Variants in MYH4 observed in about 807,000 individuals in gnomAD.
MYH4 encodes myosin heavy chain 4.
A neutral mutation model predicts 229.9 loss-of-function variants in MYH4; 200 were observed. That is an observed-to-expected ratio of 0.87 (90% CI 0.78 to 0.98). The LOEUF (loss-of-function observed/expected upper bound fraction) is 0.98, where lower values mean the gene tolerates loss of function less well. Among genes scored for constraint, MYH4 ranks in the 50% least tolerant of loss-of-function variants. The pLI is 0.00. For missense variants in MYH4, 2,148 were observed against 2,332.6 expected (o/e 0.92, Z 1.63); for synonymous variants, 761 against 834.6 (o/e 0.91, Z 1.52).
intron 24 of MYH4, 97 bp downstream of exon 24, chr17:10,453,055 C>T (rs1219547937): frequency 6.3e-7 from 1 of 1,592,588 alleles, no homozygotes; most frequent in Middle Eastern, 1.7e-4. Flanking sequence ...ACTTTATTCA[C>T]AGACCAAGCG....
In MYH4 at chr17:10,465,599, C is replaced by G. The variant is rs145471603; in HGVS notation, c.349-1G>C. 7.2e-5 allele frequency: 117 copies of G among 1,613,888 alleles called. No individual in the cohort carries two copies. The highest frequency in any genetic ancestry group is 8.9e-5 in the Non-Finnish European group (105 of 1,179,998). Reference sequence around the variant, plus strand: ...TGACACAGAAGAGGCCCGAGTAGGTCTGTGGGAAAGGACGGGGTTCCTCGA... The same window carrying G: ...TGACACAGAAGAGGCCCGAGTAGGTGTGTGGGAAAGGACGGGGTTCCTCGA... On this transcript the variant is annotated splice_acceptor_variant, in intron 4 of 39. Transcript: ENST00000255381. LOFTEE classifies it high-confidence loss of function.
chr17:10,447,755 A>G (rs2072527358), intron 34 of MYH4, 63 bp downstream of exon 34: 3 of 1,454,184 alleles, frequency 2.1e-6, no homozygotes, highest in East Asian at 2.3e-5. Context: ...GTAAAACATT[A>G]AAATTTGAGT....
intron 28 of MYH4, 111 bp downstream of exon 28, chr17:10,451,215 C>T: frequency 7.6e-7 from 1 of 1,318,156 alleles, no homozygotes; most frequent in Non-Finnish European, 1.0e-6. Context: ...ATAAGTAAGA[C>T]ATGATAAATG....
rs1011424672 is a variant in MYH4 at position 10,464,644 on chromosome 17, T to C, written c.533+37A>G. On this transcript the variant is annotated intron_variant, in intron 6 of 39. Coordinates refer to ENST00000255381, the MANE Select transcript of MYH4 (RefSeq NM_017533.2). The stretch of plus-strand genomic sequence containing the variant: ...TCTAAGGTAGTAGTAGCCACTACAA[T>C]GATCAAAACAGAAAGAAAGTAACGA... 3.7e-6 allele frequency: 6 copies of C among 1,613,410 alleles called. No homozygotes were observed. In the East Asian group the frequency reaches 8.9e-5, roughly 24 times the overall value.
Position 10,459,239 on chromosome 17 carries a change from A to G in MYH4, c.1587+12T>C. ...GTTTTCATGTTTTGAAAGCTAGAAAAGTCATATGAACCTTCTCGATGAGCT... is the reference window on the plus strand; with the variant it reads ...GTTTTCATGTTTTGAAAGCTAGAAAGGTCATATGAACCTTCTCGATGAGCT... On this transcript the variant is annotated intron_variant, in intron 15 of 39. Transcript: ENST00000255381. 1 of 1,614,022 alleles carries G rather than the reference A, an allele frequency of 6.2e-7. No homozygotes were observed. Among genetic ancestry groups the G allele is most frequent in the Non-Finnish European group, 8.5e-7 (1 of 1,179,926 alleles).
Position 10,448,602 on chromosome 17 carries a change from G to C in MYH4, c.4531+16C>G. ...CTCCCTACCATTTTTGAAATAGAAT[G>C]ATTACAGTGACTCACGTTGTAAGTT... On this transcript the variant is annotated intron_variant, in intron 32 of 39. Transcript: ENST00000255381. 6.2e-7 allele frequency: 1 copy of C among 1,611,918 alleles called. No individual in the cohort carries two copies. Among genetic ancestry groups the C allele is most frequent in the Non-Finnish European group, 8.5e-7 (1 of 1,179,226 alleles).
chr17:10,467,570 T>G (rs923526699), intron 2 of MYH4, among the ~76,000 whole-genome samples: 1 of 152,196 alleles, frequency 6.6e-6, no homozygotes, highest in Non-Finnish European at 1.5e-5. Flanking sequence ...TTTAATAAAA[T>G]TTTATAGTGA....
intron 10 of MYH4, 43 bp downstream of exon 10, chr17:10,463,047 G>A (rs2072719535): frequency 6.3e-7 from 1 of 1,586,750 alleles, no homozygotes; most frequent in Non-Finnish European, 8.7e-7. Flanking sequence ...TTCTTAGAAG[G>A]GCTGTTATTC....
chr17:10,453,188 G>A lies in MYH4; in HGVS notation c.3075C>T (p.Thr1025=). The change falls in exon 24 of 40, where the codon ACC becomes ACT. Residue 1025 remains threonine, a synonymous_variant. Transcript: ENST00000255381. ...GCTGTTCTAGCTTGGTTTTAGCTTT[G>A]GTCAGGGTGTTGACTTTGTCCTCCT... ...QMEEDKVNTL[T]KAKTKLEQQV... is the part of the protein sequence containing the mutation. The A allele has an allele frequency of 6.2e-7, 1 of 1,614,020 alleles. No individual in the cohort carries two copies. Among genetic ancestry groups the A allele is most frequent in the Non-Finnish European group, 8.5e-7 (1 of 1,180,002 alleles).
chr17:10,465,345 C>A, intron 5 of MYH4, 97 bp downstream of exon 5: 1 of 1,429,608 alleles, frequency 7.0e-7, no homozygotes, highest in Non-Finnish European at 9.7e-7. Flanking sequence ...CATGTTTGTG[C>A]TGAACAGTTA....
rs1390085626 is a variant in MYH4, at chr17:10,448,789, A to C, written c.4366-6T>G. 1.2e-6 allele frequency: 2 copies of C among 1,613,504 alleles called. No homozygotes were observed. The highest frequency in any genetic ancestry group is 2.7e-5 in the African/African-American group (2 of 74,850). ...TGTTTCCATTCTGCCAGAACCTGGA[A>C]GTATATAGAAAATAAGCCTTTGAAA... On this transcript the variant is annotated splice_region_variant and splice_polypyrimidine_tract_variant and intron_variant, in intron 31 of 39. Transcript: ENST00000255381.
chr17:10,468,446 G>T (rs2097921878), intron 2 of MYH4, among the ~76,000 whole-genome samples: 1 of 152,064 alleles, frequency 6.6e-6, no homozygotes, highest in Non-Finnish European at 1.5e-5. Flanking sequence ...CATGAACAGT[G>T]TTTTCTGTTC....
Position 10,453,298 on chromosome 17 carries a change from G to GAAAA in MYH4, c.2964_2965insTTTT (p.Leu989PhefsTer4). The GAAAA allele has an allele frequency of 6.2e-7, 1 of 1,614,004 alleles. No homozygotes were observed. Among genetic ancestry groups the GAAAA allele is most frequent in the Non-Finnish European group, 8.5e-7 (1 of 1,179,998 alleles). On this transcript the variant is annotated frameshift_variant, in exon 24 of 40. Coordinates refer to ENST00000255381, the MANE Select transcript of MYH4 (RefSeq NM_017533.2). LOFTEE classifies it high-confidence loss of function. ...GTCAGCTTAGCAATGGTTTCATCCA[G>GAAAA]ACCTGCCATCTCTTCTGTGAGGTTT...
At chr17:10,459,717 G>T (rs2072679934) in intron 14 of MYH4, among the ~76,000 whole-genome samples, 1 of 151,864 alleles carries the variant, frequency 6.6e-6, no homozygotes, top group Non-Finnish European at 1.5e-5. Flanking sequence ...TTGGATCCAG[G>T]ATAGATTTTG....
rs1037104837 is a variant in MYH4 at position 10,453,665 on chromosome 17, T to C, written c.2912A>G (p.Glu971Gly). 1 of 1,614,150 alleles carries C rather than the reference T, an allele frequency of 6.2e-7. No individual in the cohort carries two copies. Among genetic ancestry groups the C allele is most frequent in the Non-Finnish European group, 8.5e-7 (1 of 1,180,016 alleles). The part of the protein sequence containing the change: ...LELTLAKVEK[E>G]KHATENKVKN... Reference sequence around the variant, plus strand: ...TACCTTGTTCTCTGTGGCATGTTTCTCCTTCTCAACCTTGGCCAGTGTCAG... The same window carrying C: ...TACCTTGTTCTCTGTGGCATGTTTCCCCTTCTCAACCTTGGCCAGTGTCAG... The change falls in exon 23 of 40, where the codon GAG becomes GGG. Residue 971 changes from glutamate (E) to glycine (G), a missense_variant. Glu to Gly is a moderately conservative substitution (Grantham distance 98, BLOSUM62 -2). Coordinates refer to ENST00000255381, the MANE Select transcript of MYH4 (RefSeq NM_017533.2).
Position 10,448,739 on chromosome 17 carries a change from T to G in MYH4, c.4410A>C (p.Glu1470Asp). 6.2e-7 allele frequency: 1 copy of G among 1,614,114 alleles called. No homozygotes were observed. The highest frequency in any genetic ancestry group is 8.5e-7 in the Non-Finnish European group (1 of 1,180,002). Reference sequence around the variant, plus strand: ...GCGACTCCTTCTGGGAGGCCTCAAGTTCAGCCTGAGTTTCCTCATACTTCT... The same window carrying G: ...GCGACTCCTTCTGGGAGGCCTCAAGGTCAGCCTGAGTTTCCTCATACTTCT... ...WKQKYEETQA[E>D]LEASQKESRS... Residue 1470 changes from glutamate (E) to aspartate (D), a missense_variant, in exon 32 of 40, where the codon GAA becomes GAC. By Grantham distance (45) the Glu-to-Asp change is conservative. Transcript: ENST00000255381.
rs1452255914 is a variant in MYH4, at chr17:10,447,010, C to T, written c.5169+3G>A. ...TTTTCTAAACCATAGTCTTGAACCT[C>T]ACCTGAGTGTGCAGAAGTTGCACAC... On this transcript the variant is annotated splice_donor_region_variant and intron_variant, in intron 35 of 39. Transcript: ENST00000255381. The T allele has an allele frequency of 8.1e-6, 13 of 1,613,408 alleles. No individual in the cohort carries two copies. The highest frequency in any genetic ancestry group is 3.3e-5 in the Admixed American group (2 of 60,000).
rs1040121891 is a variant in MYH4, at chr17:10,464,840, G to C, written c.506-132C>G. The C allele has an allele frequency of 1.6e-5, 14 of 856,422 alleles. No homozygotes were observed. In the African/African-American group the frequency reaches 2.2e-4, roughly 14 times the overall value. 53.1% of individuals were successfully genotyped at this position (856,422 alleles called of 1,614,324 possible). On this transcript the variant is annotated intron_variant, in intron 5 of 39. Coordinates refer to ENST00000255381, the MANE Select transcript of MYH4 (RefSeq NM_017533.2). ...AAATAACTATATGAATTTGTGCTTTGCTTCTCATAAGGTTTTTCTAAAAAT... is the reference window on the plus strand; with the variant it reads ...AAATAACTATATGAATTTGTGCTTTCCTTCTCATAAGGTTTTTCTAAAAAT...
chr17:10,466,662 C>T lies in MYH4; in HGVS notation c.84G>A (p.Gln28=), dbSNP rs776992473. The change falls in exon 3 of 40, where the codon CAG becomes CAA. Residue 28 remains glutamine, a synonymous_variant. Coordinates refer to ENST00000255381, the MANE Select transcript of MYH4 (RefSeq NM_017533.2). ...ATGTCTTGGCATCAAAAGGCTTGTT[C>T]TGAGCTTCAATTCGCTCCTTTTCAG... is the stretch of plus-strand genomic sequence containing the variant. The part of the protein sequence containing the change: ...RKSEKERIEA[Q]NKPFDAKTSV... The T allele has an allele frequency of 1.9e-6, 3 of 1,614,054 alleles. No individual in the cohort carries two copies. The highest frequency in any genetic ancestry group is 2.7e-5 in the African/African-American group (2 of 74,916).
Sources: allele counts gnomAD v4.1 joint callset (sites outside exome capture counted in the v4.1 genomes callset), GRCh38; gene constraint gnomAD v4.1.1; transcripts MANE v1.5; gene names NCBI Gene and HGNC (gene_info 2026-07-23, HGNC 2026-07-21).